The following NPAS3 variants were observed in gnomAD, a reference collection of about 807,000 sequenced individuals.
The protein encoded by NPAS3 is neuronal PAS domain-containing protein 3.
In NPAS3, 14 loss-of-function variants were observed where a neutral mutation model predicts 73.1. The ratio of observed to expected loss-of-function variants is 0.19; its 90% confidence interval spans 0.13 to 0.30. The LOEUF is 0.30. Ranked by LOEUF, NPAS3 falls within the 10% of genes least tolerant of loss-of-function variation. The pLI is 1.00. For synonymous variants in NPAS3, 620 were observed against 541.5 expected, an observed-to-expected ratio of 1.14 and a Z score of -2.01; for missense variants, 1,096 against 1,250.0, an observed-to-expected ratio of 0.88 and a Z score of 1.86.
rs760033483 is a variant in NPAS3, at chr14:33,774,297, T to A, written c.853-40T>A. The A allele has an allele frequency of 2.6e-6, 4 of 1,530,658 alleles. No individual in the cohort carries two copies. The African/African-American group carries it at 4.1e-5, about 16-fold the overall frequency. 94.8% of individuals were successfully genotyped at this position (1,530,658 alleles called of 1,614,324 possible). On this transcript the variant is annotated intron_variant, in intron 7 of 11. Transcript: ENST00000356141. ...AAGAAATGCTGTTATATCTGGGATG[T>A]AAATTTGACTGGTGTCCTGTACTTA...
rs113905369 is a variant in NPAS3 at position 33,504,713 on chromosome 14, T to C, written c.469-55408T>C. Among the ~76,000 whole-genome samples, 837 of 152,154 alleles carry C rather than the reference T, an allele frequency of 5.5e-3. 5 individuals are homozygous for C. Among genetic ancestry groups the C allele is most frequent in the African/African-American group, 0.018 (760 of 41,570 alleles). ...ACCTACTATGTGTTGGCAATTCTTC[T>C]GGCTGTCAGGGAAACGGTGCAAAAT... is the stretch of plus-strand genomic sequence containing the variant. On this transcript the variant is annotated intron_variant, in intron 4 of 11. Transcript: ENST00000356141.
intron 1 of NPAS3, among the ~76,000 whole-genome samples, chr14:33,042,761 A>G (rs2040386012): frequency 6.6e-6 from 1 of 152,174 alleles, no homozygotes; most frequent in Non-Finnish European, 1.5e-5. Flanking sequence ...CTTGGCTACA[A>G]TTCAACGGTA....
chr14:33,799,723 G>T lies in NPAS3; in HGVS notation c.1427-11G>T. 1 of 1,482,934 alleles carries T rather than the reference G, an allele frequency of 6.7e-7. No homozygotes were observed. Among genetic ancestry groups the T allele is most frequent in the Non-Finnish European group, 9.2e-7 (1 of 1,085,810 alleles). The allele number at this position is 1,482,934 out of a possible 1,614,324, so 91.9% of individuals were successfully genotyped here. ...CCGCCCCCGCCACCGCCGGCCCCCCGCCCCACACAGAGGACAACGAGAACT... is the reference window on the plus strand; with the variant it reads ...CCGCCCCCGCCACCGCCGGCCCCCCTCCCCACACAGAGGACAACGAGAACT... On this transcript the variant is annotated splice_polypyrimidine_tract_variant and intron_variant, in intron 11 of 11. Coordinates refer to ENST00000356141, the Ensembl canonical transcript of NPAS3.
intron 2 of NPAS3, among the ~76,000 whole-genome samples, chr14:33,087,149 T>C (rs2042057036): frequency 9.8e-6 from 1 of 101,848 alleles, no homozygotes; most frequent in South Asian, 3.0e-4. Flanking sequence ...AATAATATAG[T>C]ATACAATATA....
chr14:33,625,826 T>C (rs1236189529), intron 5 of NPAS3, among the ~76,000 whole-genome samples: 3 of 152,130 alleles, frequency 2.0e-5, no homozygotes, highest in African/African-American at 7.2e-5. Context: ...GATAAAGCAA[T>C]AGGAGAATTC....
At position 33,447,544 on chromosome 14, in the gene NPAS3, G is replaced by A. The variant is rs375828585; in HGVS notation, c.468+80276G>A. On this transcript the variant is annotated intron_variant, in intron 4 of 11. Coordinates refer to ENST00000356141, the Ensembl canonical transcript of NPAS3. Reference sequence around the variant, plus strand: ...CAACTATAACATGAAAGAGGATTTCGATATTAGGAGTAGTGTGACCACTAT... The same window carrying A: ...CAACTATAACATGAAAGAGGATTTCAATATTAGGAGTAGTGTGACCACTAT... 7.2e-5 allele frequency among the ~76,000 whole-genome samples: 11 copies of A among 152,266 alleles called. No individual in the cohort carries two copies. The East Asian group carries it at 1.5e-3, about 21-fold the overall frequency.
intron 2 of NPAS3, among the ~76,000 whole-genome samples, chr14:33,198,613 A>C (rs1427820379): frequency 1.3e-5 from 2 of 152,038 alleles, no homozygotes; most frequent in Non-Finnish European, 2.9e-5. Flanking sequence ...GTGTATTTAT[A>C]CTCCTTTGGC....
At chr14:33,275,011 C>A (rs1452886242) in intron 3 of NPAS3, among the ~76,000 whole-genome samples, 2 of 152,198 alleles carry the variant, frequency 1.3e-5, no homozygotes, top group Non-Finnish European at 2.9e-5. Context: ...GAGTTTGCTG[C>A]TTTTCTCTTG....
At chr14:33,422,497 C>T (rs1594879737) in intron 4 of NPAS3, among the ~76,000 whole-genome samples, 1 of 151,686 alleles carries the variant, frequency 6.6e-6, no homozygotes, top group East Asian at 1.9e-4. Context: ...ACCTTCTGTC[C>T]CTATGGTGAT....
At chr14:33,751,466 A>G (rs1312419160) in intron 7 of NPAS3, among the ~76,000 whole-genome samples, 1 of 152,176 alleles carries the variant, frequency 6.6e-6, no homozygotes, top group African/African-American at 2.4e-5. Context: ...AGGGAAAAAA[A>G]ACTAAGACCT....
rs544460503 is a variant in NPAS3, at chr14:33,430,530, A to G, written c.468+63262A>G. Among the ~76,000 whole-genome samples, 3 of 152,012 alleles carry G rather than the reference A, an allele frequency of 2.0e-5. No homozygotes were observed. In the South Asian group the frequency reaches 6.2e-4, roughly 32 times the overall value. ...GGATTTTTCCTTCTCCCCTCTCCCA[A>G]CTACACTCCCACTCCCGGGGTGTCT... On this transcript the variant is annotated intron_variant, in intron 4 of 11. Transcript: ENST00000356141.
intron 1 of NPAS3, among the ~76,000 whole-genome samples, chr14:33,036,027 A>C (rs748067388): frequency 6.6e-6 from 1 of 152,214 alleles, no homozygotes; most frequent in Non-Finnish European, 1.5e-5. Flanking sequence ...CAATCTAGGT[A>C]CAACCTACAG....
chr14:33,422,396 G>A (rs1266913465), intron 4 of NPAS3, among the ~76,000 whole-genome samples: 1 of 151,808 alleles, frequency 6.6e-6, no homozygotes, highest in Non-Finnish European at 1.5e-5. Flanking sequence ...AAGACTATAA[G>A]CAAGAAAAAA....
chr14:33,223,962 A>C (rs1489057598), intron 3 of NPAS3, among the ~76,000 whole-genome samples: 2 of 152,180 alleles, frequency 1.3e-5, no homozygotes, highest in South Asian at 2.1e-4. Context: ...AATATATGAT[A>C]AAGATAAAAT....
At chr14:33,235,286 G>A (rs532077780) in intron 3 of NPAS3, among the ~76,000 whole-genome samples, 5 of 152,074 alleles carry the variant, frequency 3.3e-5, no homozygotes, top group East Asian at 1.9e-4. Context: ...ACCTGCACGC[G>A]TTAATTAAGC....
chr14:33,383,035 C>T (rs1249969093), intron 4 of NPAS3, among the ~76,000 whole-genome samples: 1 of 147,088 alleles, frequency 6.8e-6, no homozygotes, highest in South Asian at 2.2e-4. Context: ...TGTAGTGAGC[C>T]GTGTTTGTGC....
chr14:33,680,684 G>T (rs752055371), intron 6 of NPAS3: 1 of 701,434 alleles, frequency 1.4e-6, no homozygotes, highest in Non-Finnish European at 2.6e-6. Flanking sequence ...CTACTTCAGA[G>T]AGAACTCAGC....
rs75287766 is a variant in NPAS3 at position 33,494,320 on chromosome 14, A to C, written c.469-65801A>C. Among the ~76,000 whole-genome samples the C allele has an allele frequency of 8.4e-3, 1,285 of 152,286 alleles. 20 individuals carry two copies. The highest frequency in any genetic ancestry group is 0.03 in the African/African-American group (1,230 of 41,576). On this transcript the variant is annotated intron_variant, in intron 4 of 11. Transcript: ENST00000356141. ...GTGTTATTTTATGTGTTCTGCAAGC[A>C]TAGAAAAACACCTGTTAGCCCCGCT...
chr14:33,501,926 G>A (rs1595042051), intron 4 of NPAS3, among the ~76,000 whole-genome samples: 2 of 152,008 alleles, frequency 1.3e-5, no homozygotes, highest in Admixed American at 1.3e-4. Flanking sequence ...AAGATAAAAA[G>A]TGAATCATTA....
Sources: gnomAD v4.1 joint callset for allele counts (sites outside exome capture counted in the v4.1 genomes callset) on GRCh38, gnomAD v4.1.1 for gene constraint, MANE v1.5 for transcripts, NCBI Gene and HGNC (gene_info 2026-07-23, HGNC 2026-07-21) for gene names.